FANCD2OS: variants seen among roughly 807,000 people sequenced by gnomAD.
FANCD2OS encodes FANCD2 opposite strand protein.
Under a neutral mutation model 13.2 loss-of-function variants are expected in FANCD2OS, and 11 were observed. The ratio of observed to expected loss-of-function variants is 0.83; its 90% CI spans 0.52 to 1.38. The LOEUF (loss-of-function observed/expected upper bound fraction) is 1.38, where lower values mean the gene tolerates loss of function less well. Among genes scored for constraint, FANCD2OS ranks in the 40% most tolerant of loss-of-function variants. The pLI, the probability that FANCD2OS is intolerant of heterozygous loss-of-function variation, is 0.00. For synonymous variants in FANCD2OS, 69 were observed against 84.5 expected, an observed-to-expected ratio of 0.82 and a Z score of 1.01; for missense variants, 217 against 213.9, an observed-to-expected ratio of 1.01 and a Z score of -0.09.
chr3:10,093,474 T>C (rs917682817), intron 2 of FANCD2OS: 3 of 753,650 alleles, frequency 4.0e-6, no homozygotes, highest in Non-Finnish European at 7.2e-6. Flanking sequence ...GGATGCATTT[T>C]CCCACCCTAG....
chr3:10,095,421 T>C (rs1694895223), intron 2 of FANCD2OS: 3 of 712,292 alleles, frequency 4.2e-6, no homozygotes, highest in African/African-American at 1.8e-5. Context: ...AAATCCTTAG[T>C]TGCTCCTTGA....
At chr3:10,086,117 A>G (rs1245942898) in intron 2 of FANCD2OS, among the ~76,000 whole-genome samples, 1 of 152,244 alleles carries the variant, frequency 6.6e-6, no homozygotes, top group Non-Finnish European at 1.5e-5. Context: ...TTGAATAATC[A>G]TGCTAAATCT....
intron 2 of FANCD2OS, chr3:10,094,396 A>C: frequency 6.4e-7 from 1 of 1,560,158 alleles, no homozygotes; most frequent in South Asian, 1.1e-5. Context: ...AAAGATATGC[A>C]CTGAAGAGTT....
chr3:10,086,186 A>C (rs891786130), intron 2 of FANCD2OS, among the ~76,000 whole-genome samples: 1 of 152,222 alleles, frequency 6.6e-6, no homozygotes, highest in African/African-American at 2.4e-5. Flanking sequence ...GAAAACATTG[A>C]CCATCTGTAA....
intron 2 of FANCD2OS, among the ~76,000 whole-genome samples, chr3:10,089,214 G>A (rs1001509043): frequency 3.3e-5 from 5 of 152,008 alleles, no homozygotes; most frequent in African/African-American, 1.2e-4. Context: ...GAACCTGGGA[G>A]GCGGAGGTTG....
intron 2 of FANCD2OS, among the ~76,000 whole-genome samples, chr3:10,090,115 C>CAA (rs1694496587): frequency 6.6e-6 from 1 of 152,126 alleles, no homozygotes; most frequent in East Asian, 1.9e-4. Context: ...GTTTGACAGG[C>CAA]AATCTTCTTG....
At chr3:10,082,176 C>T (rs1270049201) in intron 2 of FANCD2OS, among the ~76,000 whole-genome samples, 1 of 152,212 alleles carries the variant, frequency 6.6e-6, no homozygotes, top group Non-Finnish European at 1.5e-5. Context: ...AATGGTACCA[C>T]CAGTTGCCTG....
intron 2 of FANCD2OS, chr3:10,088,752 A>C (rs1229896178): frequency 1.3e-6 from 2 of 1,484,758 alleles, no homozygotes; most frequent in African/African-American, 2.8e-5. Context: ...AATTCAGATC[A>C]TAGAGGAATT....
chr3:10,107,770 A>G (rs765333517), intron 1 of FANCD2OS, among the ~76,000 whole-genome samples: 8 of 151,998 alleles, frequency 5.3e-5, no homozygotes, highest in Non-Finnish European at 1.2e-4. Context: ...CAGAACCAAC[A>G]TGGGACGAGA....
At chr3:10,102,669 C>T (rs1404396010), downstream of FANCD2OS, among the ~76,000 whole-genome samples, 1 of 151,012 alleles carries the variant, frequency 6.6e-6, no homozygotes, top group Non-Finnish European at 1.5e-5. Flanking sequence ...AGTGAAACCC[C>T]GTCTCTACTA....
intron 2 of FANCD2OS, among the ~76,000 whole-genome samples, chr3:10,084,168 A>G (rs948139237): frequency 5.3e-5 from 8 of 151,484 alleles, no homozygotes; most frequent in African/African-American, 1.9e-4. Flanking sequence ...TAATTTTTGT[A>G]TTTTTAGTAG....
chr3:10,106,423 A>AT (rs905273477), intron 1 of FANCD2OS, among the ~76,000 whole-genome samples: 1 of 151,960 alleles, frequency 6.6e-6, no homozygotes, highest in Non-Finnish European at 1.5e-5. Context: ...TCAGAAGCTA[A>AT]TTTTTTTTAG....
downstream of FANCD2OS, chr3:10,103,138 C>T (rs1362256066): frequency 4.7e-6 from 2 of 425,066 alleles, no homozygotes; most frequent in Non-Finnish European, 9.3e-6. Context: ...CGCAGTGGCT[C>T]ATGCCTATAA....
Position 10,083,289 on chromosome 3 carries a change from A to G in FANCD2OS, c.*44-1758T>C, listed in dbSNP as rs1278015769. ...TTAACACAGAAAATAAACCATCTCT[A>G]AAAATTATAAAAACAATTAAAATAA... On this transcript the variant is annotated intron_variant, in intron 2 of 2. Transcript: ENST00000524279. Among the ~76,000 whole-genome samples the G allele has an allele frequency of 2.0e-5, 3 of 152,192 alleles. No individual in the cohort carries two copies. The South Asian group carries it at 6.2e-4, about 32-fold the overall frequency.
At chr3:10,096,180 G>A in intron 2 of FANCD2OS, 2 of 822,074 alleles carry the variant, frequency 2.4e-6, no homozygotes, top group Non-Finnish European at 2.0e-6. Context: ...GGATTACTCT[G>A]CCAAACTATT....
At chr3:10,085,922 G>T (rs1317329752) in intron 2 of FANCD2OS, 1 of 1,601,292 alleles carries the variant, frequency 6.2e-7, no homozygotes, top group Non-Finnish European at 8.6e-7. Context: ...GAACTACTCA[G>T]GTGAGTCATA....
chr3:10,088,532 G>A (rs1486046331), intron 2 of FANCD2OS: 1 of 1,601,544 alleles, frequency 6.2e-7, no homozygotes, highest in African/African-American at 1.3e-5. Flanking sequence ...CCAGCTCCAT[G>A]CTCTGCTCTG....
In FANCD2OS at chr3:10,104,277, G is replaced by C. The variant is rs369685038; in HGVS notation, c.498C>G (p.Tyr166Ter). 2 of 1,611,992 alleles carry C rather than the reference G, an allele frequency of 1.2e-6. No homozygotes were observed. The highest frequency in any genetic ancestry group is 1.7e-6 in the Non-Finnish European group (2 of 1,179,282). The stretch of plus-strand genomic sequence containing the variant: ...GCTGCAAGGCAAAGGTGCACTTTTT[G>C]TAAGTTGCATACAGCAAGAGGATAG... The part of the protein sequence containing the change: ...LRSILLLYAT[Y>*]KKCTFALQHS... The change falls in exon 2 of 2, where the codon TAC becomes TAG. Residue 166 changes from tyrosine (Y) to a stop codon, truncating the protein, a stop_gained. Coordinates refer to ENST00000450660, the MANE Select transcript of FANCD2OS (RefSeq NM_001164839.2). LOFTEE classifies it high-confidence loss of function.
At chr3:10,095,244 G>A (rs766118736) in intron 2 of FANCD2OS, 1 of 1,614,118 alleles carries the variant, frequency 6.2e-7, no homozygotes, top group Admixed American at 1.7e-5. Flanking sequence ...TGGACACAAG[G>A]CTGCTTCATC....
Sources: allele counts gnomAD v4.1 joint callset (sites outside exome capture counted in the v4.1 genomes callset), GRCh38; gene constraint gnomAD v4.1.1; transcripts MANE v1.5; gene names NCBI Gene and HGNC (gene_info 2026-07-23, HGNC 2026-07-21).